GPC6: variants seen among roughly 807,000 people sequenced by gnomAD.
GPC6 encodes glypican 6, also known as glypican-6.
In GPC6, 14 loss-of-function variants were observed where a neutral mutation model predicts 55.2. That is an observed-to-expected ratio of 0.25 (90% CI 0.17 to 0.40). GPC6 has a LOEUF of 0.40. Ranked by LOEUF, GPC6 falls within the 10% of genes least tolerant of loss-of-function variation. The pLI, the probability that GPC6 is intolerant of heterozygous loss-of-function variation, is 1.00. For missense variants in GPC6, 641 were observed against 708.5 expected (o/e 0.90, Z 1.08); for synonymous variants, 278 against 259.6 (o/e 1.07, Z -0.68).
intron 1 of GPC6, among the ~76,000 whole-genome samples, chr13:93,323,035 G>T (rs1879512375): frequency 6.6e-6 from 1 of 152,010 alleles, no homozygotes; most frequent in South Asian, 2.1e-4. Flanking sequence ...CATGTAATGA[G>T]CTTTCCATTT....
intron 3 of GPC6, among the ~76,000 whole-genome samples, chr13:93,852,415 A>G (rs554948969): frequency 7.6e-4 from 116 of 151,880 alleles, no homozygotes; most frequent in African/African-American, 2.7e-3. Context: ...ACAGTCAACA[A>G]TAAGATTTTT....
intron 7 of GPC6, among the ~76,000 whole-genome samples, chr13:94,390,376 AT>A: frequency 6.6e-6 from 1 of 152,250 alleles, no homozygotes; most frequent in East Asian, 1.9e-4. Flanking sequence ...TCACACTGCT[AT>A]AAAGAAATAA....
chr13:93,301,061 C>T (rs1878662209), intron 1 of GPC6, among the ~76,000 whole-genome samples: 1 of 152,122 alleles, frequency 6.6e-6, no homozygotes, highest in African/African-American at 2.4e-5. Flanking sequence ...TTCTTGTACC[C>T]ATTTCAAATC....
At chr13:93,763,190 G>T (rs779071004) in intron 2 of GPC6, among the ~76,000 whole-genome samples, 2 of 152,126 alleles carry the variant, frequency 1.3e-5, no homozygotes, top group Non-Finnish European at 2.9e-5. Context: ...TTTACCACTG[G>T]GGGTAGACAC....
intron 2 of GPC6, among the ~76,000 whole-genome samples, chr13:93,595,154 A>G (rs1415254029): frequency 6.6e-6 from 1 of 152,204 alleles, no homozygotes; most frequent in Non-Finnish European, 1.5e-5. Flanking sequence ...AATTTATATT[A>G]TAGATATTAA....
At chr13:94,178,130 T>G (rs943768367) in intron 4 of GPC6, among the ~76,000 whole-genome samples, 1 of 151,278 alleles carries the variant, frequency 6.6e-6, no homozygotes, top group African/African-American at 2.4e-5. Context: ...GCGATTCTCC[T>G]GCCTCAGCCT....
At chr13:93,432,759 TCTC>T (rs1479859763) in intron 1 of GPC6, among the ~76,000 whole-genome samples, 7 of 152,258 alleles carry the variant, frequency 4.6e-5, no homozygotes, top group Non-Finnish European at 7.3e-5. Context: ...TCTCTATTAT[TCTC>T]CTTTTAATGT....
chr13:94,105,369 C>A (rs1374705802), intron 4 of GPC6, among the ~76,000 whole-genome samples: 1 of 148,380 alleles, frequency 6.7e-6, no homozygotes, highest in Non-Finnish European at 1.5e-5. Context: ...TATCCTGTTT[C>A]AAATAAAAGG....
intron 1 of GPC6, among the ~76,000 whole-genome samples, chr13:93,517,938 G>T (rs1391166635): frequency 1.3e-5 from 2 of 149,850 alleles, no homozygotes; most frequent in African/African-American, 4.9e-5. Context: ...TCTAATTTTA[G>T]TTATAGTAAA....
chr13:93,658,692 G>A (rs1880792312), intron 2 of GPC6, among the ~76,000 whole-genome samples: 1 of 151,346 alleles, frequency 6.6e-6, no homozygotes, highest in Non-Finnish European at 1.5e-5. Flanking sequence ...TATCATATTG[G>A]TATATTGTCA....
At chr13:93,961,049 C>T (rs960237537) in intron 3 of GPC6, among the ~76,000 whole-genome samples, 1 of 151,976 alleles carries the variant, frequency 6.6e-6, no homozygotes, top group African/African-American at 2.4e-5. Flanking sequence ...CTCCTGACCT[C>T]GTGATCCGCC....
intron 2 of GPC6, among the ~76,000 whole-genome samples, chr13:93,733,332 G>T (rs1192417448): frequency 8.6e-5 from 13 of 151,708 alleles, no homozygotes; most frequent in Admixed American, 8.6e-4. Context: ...CTAAATTTCA[G>T]GATAAAAATT....
intron 4 of GPC6, among the ~76,000 whole-genome samples, chr13:94,194,655 T>C (rs1231059587): frequency 6.6e-6 from 1 of 152,178 alleles, no homozygotes; most frequent in Non-Finnish European, 1.5e-5. Flanking sequence ...ATTTATTGTA[T>C]ACTGCTGGGG....
intron 1 of GPC6, among the ~76,000 whole-genome samples, chr13:93,329,883 A>T (rs942925143): frequency 2.6e-5 from 4 of 152,186 alleles, no homozygotes; most frequent in African/African-American, 9.6e-5. Context: ...TAACATTTAA[A>T]TCTGTAAGAA....
At chr13:93,231,318 TATATATATATAC>T (rs1875997817) in intron 1 of GPC6, among the ~76,000 whole-genome samples, 1 of 59,534 alleles carries the variant, frequency 1.7e-5, no homozygotes, top group Non-Finnish European at 2.9e-5. Context: ...TCATTTCATA[TATATATATATAC>T]GTATATATAT....
intron 5 of GPC6, among the ~76,000 whole-genome samples, chr13:94,293,898 G>A (rs1360721216): frequency 6.6e-6 from 1 of 152,154 alleles, no homozygotes; most frequent in African/African-American, 2.4e-5. Flanking sequence ...AGCCATTTAA[G>A]GGAGGACTGT....
chr13:93,424,607 TATC>T (rs144005214), intron 1 of GPC6, among the ~76,000 whole-genome samples: 184 of 151,636 alleles, frequency 1.2e-3, no homozygotes, highest in Non-Finnish European at 2.3e-3. Flanking sequence ...AAATACATGG[TATC>T]ATCATCATCA....
intron 3 of GPC6, among the ~76,000 whole-genome samples, chr13:93,855,000 T>A (rs1169396886): frequency 6.6e-6 from 1 of 151,620 alleles, no homozygotes; most frequent in Non-Finnish European, 1.5e-5. Context: ...GAGTGGCACA[T>A]GTGTTATGAC....
intron 2 of GPC6, among the ~76,000 whole-genome samples, chr13:93,596,813 TATATA>T (rs1164786451): frequency 6.7e-6 from 1 of 148,552 alleles, no homozygotes; most frequent in Non-Finnish European, 1.5e-5. Context: ...TGTGTATAAA[TATATA>T]TAATTACGTG....
Sources: gnomAD v4.1 joint callset for allele counts (sites outside exome capture counted in the v4.1 genomes callset) on GRCh38, gnomAD v4.1.1 for gene constraint, MANE v1.5 for transcripts, NCBI Gene and HGNC (gene_info 2026-07-23, HGNC 2026-07-21) for gene names.